The following EEPD1 variants were observed in gnomAD, a reference collection of about 807,000 sequenced individuals.
The protein encoded by EEPD1 is endonuclease/exonuclease/phosphatase family domain-containing protein 1.
A neutral mutation model predicts 46.3 loss-of-function variants in EEPD1; 17 were observed. The ratio of observed to expected loss-of-function variants is 0.37; its 90% CI spans 0.25 to 0.55. The LOEUF (loss-of-function observed/expected upper bound fraction) is 0.55. Among genes scored for constraint, EEPD1 ranks in the 20% least tolerant of loss-of-function variants. The pLI is 0.83. For synonymous variants in EEPD1, 313 were observed against 315.6 expected, an observed-to-expected ratio of 0.99 and a Z score of 0.09; for missense variants, 673 against 745.6, an observed-to-expected ratio of 0.90 and a Z score of 1.13.
chr7:36,224,971 A>G (rs1250648045), intron 2 of EEPD1, among the ~76,000 whole-genome samples: 2 of 152,122 alleles, frequency 1.3e-5, no homozygotes, highest in Non-Finnish European at 2.9e-5. Flanking sequence ...ATGTGATGAT[A>G]GGAGAGAAAG....
intron 3 of EEPD1, among the ~76,000 whole-genome samples, chr7:36,263,543 G>T (rs1482215431): frequency 6.6e-6 from 1 of 152,194 alleles, no homozygotes; most frequent in East Asian, 1.9e-4. Context: ...TTCCCAATGT[G>T]TATAGCTCTG....
chr7:36,203,072 G>A (rs534716049), intron 2 of EEPD1, among the ~76,000 whole-genome samples: 1 of 152,332 alleles, frequency 6.6e-6, no homozygotes, highest in African/African-American at 2.4e-5. Context: ...TAAGTGTTGG[G>A]TTCTGGGTTT....
chr7:36,184,633 C>T (rs2700925), intron 2 of EEPD1, among the ~76,000 whole-genome samples: 21,110 of 152,196 alleles, frequency 0.14, 1,754 homozygotes, highest in Non-Finnish European at 0.19. Context: ...CGTAACTAGG[C>T]AGTAGACTGT....
chr7:36,171,554 A>G (rs930141848), intron 2 of EEPD1, among the ~76,000 whole-genome samples: 1 of 152,162 alleles, frequency 6.6e-6, no homozygotes, highest in African/African-American at 2.4e-5. Flanking sequence ...TCACATCTCC[A>G]TGGATTTGTA....
intron 2 of EEPD1, among the ~76,000 whole-genome samples, chr7:36,176,801 C>T (rs1026252052): frequency 3.3e-5 from 5 of 151,940 alleles, no homozygotes; most frequent in African/African-American, 9.7e-5. Flanking sequence ...AAATCCTTTA[C>T]GGTGAGGAAA....
rs180790889 is a variant in EEPD1, at chr7:36,240,425, G to A, written c.930+1389G>A. ...CCCCTCAACCTCATTTCTATCTTGG[G>A]TAAACCAAGGATAGAGCTGCTGCCT... On this transcript the variant is annotated intron_variant, in intron 3 of 7. Transcript: ENST00000242108. Among the ~76,000 whole-genome samples the A allele has an allele frequency of 4.4e-4, 67 of 152,296 alleles. No individual in the cohort carries two copies. The Middle Eastern group carries it at 0.014, about 31-fold the overall frequency.
intron 2 of EEPD1, among the ~76,000 whole-genome samples, chr7:36,162,642 TAAAAAAA>T (rs927106772): frequency 6.6e-6 from 1 of 150,964 alleles, no homozygotes; most frequent in African/African-American, 2.4e-5. Flanking sequence ...GACCCTGTCT[TAAAAAAA>T]AAGAAAAGAA....
intron 2 of EEPD1, among the ~76,000 whole-genome samples, chr7:36,168,278 C>T (rs891002706): frequency 2.6e-5 from 4 of 152,212 alleles, no homozygotes; most frequent in Non-Finnish European, 4.4e-5. Flanking sequence ...TAAGTGAATG[C>T]TCACACTACT....
At chr7:36,206,028 A>T (rs1031930804) in intron 2 of EEPD1, among the ~76,000 whole-genome samples, 1 of 152,200 alleles carries the variant, frequency 6.6e-6, no homozygotes, top group Non-Finnish European at 1.5e-5. Context: ...CAGGCCCCAG[A>T]TGACATGTAG....
At chr7:36,243,967 C>A (rs1393608791) in intron 3 of EEPD1, among the ~76,000 whole-genome samples, 1 of 150,704 alleles carries the variant, frequency 6.6e-6, no homozygotes, top group Non-Finnish European at 1.5e-5. Flanking sequence ...TTAATGGGTG[C>A]AGCACACCAG....
chr7:36,194,218 G>C (rs541694275), intron 2 of EEPD1, among the ~76,000 whole-genome samples: 1 of 152,264 alleles, frequency 6.6e-6, no homozygotes, highest in South Asian at 2.1e-4. Flanking sequence ...ACATCCCCCA[G>C]GCCCTGAGGG....
At chr7:36,256,219 C>T (rs1215888501) in intron 3 of EEPD1, among the ~76,000 whole-genome samples, 5 of 152,104 alleles carry the variant, frequency 3.3e-5, no homozygotes, top group Admixed American at 2.6e-4. Context: ...TTTGCATTTG[C>T]TGAGGAGTGT....
intron 2 of EEPD1, among the ~76,000 whole-genome samples, chr7:36,227,076 G>A (rs780148494): frequency 6.6e-6 from 1 of 152,126 alleles, no homozygotes; most frequent in Non-Finnish European, 1.5e-5. Flanking sequence ...AGAAGGGAGG[G>A]GGGGTGGCCA....
intron 2 of EEPD1, among the ~76,000 whole-genome samples, chr7:36,214,320 C>T (rs1785990957): frequency 6.6e-6 from 1 of 152,162 alleles, no homozygotes; most frequent in Non-Finnish European, 1.5e-5. Flanking sequence ...ACTGGGCTGA[C>T]ATTTGGTTTT....
At chr7:36,297,281 C>T in intron 7 of EEPD1, 94 bp downstream of exon 7, 1 of 1,354,714 alleles carries the variant, frequency 7.4e-7, no homozygotes. Flanking sequence ...TCCTCTGAGG[C>T]ATACATAGGA....
intron 2 of EEPD1, among the ~76,000 whole-genome samples, chr7:36,176,465 C>T (rs939473163): frequency 6.6e-6 from 1 of 152,288 alleles, no homozygotes; most frequent in East Asian, 1.9e-4. Context: ...TCCCATGTAA[C>T]GGATGTCGGA....
intron 3 of EEPD1, among the ~76,000 whole-genome samples, chr7:36,260,370 C>T (rs1252255963): frequency 6.6e-6 from 1 of 152,240 alleles, no homozygotes; most frequent in Admixed American, 6.5e-5. Flanking sequence ...TATACCACTT[C>T]ACTGTCTCTG....
chr7:36,278,253 C>G (rs1787211073), intron 3 of EEPD1, among the ~76,000 whole-genome samples: 1 of 152,158 alleles, frequency 6.6e-6, no homozygotes, highest in Admixed American at 6.5e-5. Flanking sequence ...CGACCCCTCC[C>G]ATCAAAATGG....
chr7:36,236,809 G>C (rs1223963063), intron 2 of EEPD1, among the ~76,000 whole-genome samples: 1 of 152,192 alleles, frequency 6.6e-6, no homozygotes, highest in African/African-American at 2.4e-5. Context: ...CTGTCAAGAC[G>C]GATCAATCAG....
Sources: gnomAD v4.1 joint callset for allele counts (sites outside exome capture counted in the v4.1 genomes callset) on GRCh38, gnomAD v4.1.1 for gene constraint, MANE v1.5 for transcripts, NCBI Gene and HGNC (gene_info 2026-07-23, HGNC 2026-07-21) for gene names.